Variants in ANKS1B observed in about 807,000 individuals in gnomAD.
ANKS1B encodes ankyrin repeat and sterile alpha motif domain-containing protein 1B.
A neutral mutation model predicts 148.3 loss-of-function variants in ANKS1B; 36 were observed. That is an observed-to-expected ratio of 0.24 (90% CI 0.19 to 0.32). The LOEUF (loss-of-function observed/expected upper bound fraction) is 0.32. Ranked by LOEUF, ANKS1B falls within the 10% of genes least tolerant of loss-of-function variation. The probability of loss-of-function intolerance (pLI) is 1.00; values close to 1 mark genes in which losing one functional copy is unlikely to be tolerated. For missense variants in ANKS1B, 1,157 were observed against 1,542.6 expected (o/e 0.75, Z 4.19); for synonymous variants, 542 against 560.8 (o/e 0.97, Z 0.47).
chr12:99,788,835 C>T lies in ANKS1B; in HGVS notation c.670-6738G>A, dbSNP rs114372920. 6.4e-3 allele frequency among the ~76,000 whole-genome samples: 979 copies of T among 152,162 alleles called. 9 individuals are homozygous for T. The highest frequency in any genetic ancestry group is 0.022 in the African/African-American group (931 of 41,500). ...ATTGGCAGTGACCTAGAAGAACCCT[C>T]GTGGACCAGAAGTGGTGGTGGCCAC... On this transcript the variant is annotated intron_variant, in intron 4 of 26. Coordinates refer to ENST00000683438, the MANE Select transcript of ANKS1B (RefSeq NM_001352186.2).
rs74414480 is a variant in ANKS1B, at chr12:99,949,561, A to G, written c.134+34543T>C. 9.1e-3 allele frequency among the ~76,000 whole-genome samples: 1,382 copies of G among 152,276 alleles called. 24 individuals carry two copies. Among genetic ancestry groups the G allele is most frequent in the African/African-American group, 0.031 (1,284 of 41,542 alleles). ...CTCAGACATGAAAAAGGAGAAAAGG[A>G]GAAGAGGGGACTAATGTGAGGAGTC... On this transcript the variant is annotated intron_variant, in intron 1 of 26. Transcript: ENST00000683438.
intron 1 of ANKS1B, among the ~76,000 whole-genome samples, chr12:99,833,724 T>C (rs569202745): frequency 2.2e-4 from 33 of 152,342 alleles, no homozygotes; most frequent in Non-Finnish European, 2.6e-4. Context: ...ATTTTTTAAA[T>C]TTCTGCATGT....
chr12:99,902,030 G>A (rs1418259693), intron 1 of ANKS1B, among the ~76,000 whole-genome samples: 1 of 152,204 alleles, frequency 6.6e-6, no homozygotes, highest in Non-Finnish European at 1.5e-5. Flanking sequence ...TATCCTCATG[G>A]AGCTCAGATA....
At chr12:99,036,117 A>AT (rs759169274) in intron 17 of ANKS1B, among the ~76,000 whole-genome samples, 2 of 152,058 alleles carry the variant, frequency 1.3e-5, no homozygotes, top group African/African-American at 2.4e-5. Context: ...GTGCACAGTG[A>AT]TTTTGAGGCA....
chr12:99,773,717 C>A (rs1409422703), intron 7 of ANKS1B, among the ~76,000 whole-genome samples: 1 of 152,062 alleles, frequency 6.6e-6, no homozygotes, highest in African/African-American at 2.4e-5. Flanking sequence ...CCAGCAGTTA[C>A]AATCCAGATT....
chr12:99,597,409 G>A (rs2097767384), intron 9 of ANKS1B, among the ~76,000 whole-genome samples: 1 of 151,864 alleles, frequency 6.6e-6, no homozygotes. Context: ...ATTAAACAAA[G>A]CCCAACATTA....
Position 99,460,325 on chromosome 12 carries a change from T to C in ANKS1B, c.1439-16516A>G, listed in dbSNP as rs1909844. 5.7e-3 allele frequency among the ~76,000 whole-genome samples: 873 copies of C among 152,192 alleles called. 6 individuals carry two copies. Among genetic ancestry groups the C allele is most frequent in the African/African-American group, 0.02 (842 of 41,528 alleles). On this transcript the variant is annotated intron_variant, in intron 10 of 26. Transcript: ENST00000683438. ...ACCATAACAATTCTAGGAGATAACATTGGAAAAACCTTTCTAGACATTGGC... is the reference window on the plus strand; with the variant it reads ...ACCATAACAATTCTAGGAGATAACACTGGAAAAACCTTTCTAGACATTGGC...
At chr12:98,910,666 AT>A (rs2099785520) in intron 17 of ANKS1B, among the ~76,000 whole-genome samples, 1 of 152,234 alleles carries the variant, frequency 6.6e-6, no homozygotes, top group African/African-American at 2.4e-5. Context: ...ATTTTAGTAA[AT>A]TTGTAGAAAC....
chr12:99,168,895 C>T lies in ANKS1B; in HGVS notation c.2420-14500G>A, dbSNP rs1030149630. On this transcript the variant is annotated intron_variant, in intron 14 of 26. Coordinates refer to ENST00000683438, the MANE Select transcript of ANKS1B (RefSeq NM_001352186.2). ...GTTATTTCAGGACACTGTCTGAAAA[C>T]TGTCATAACTGCATTAAAATAAACC... Among the ~76,000 whole-genome samples, 11 of 152,278 alleles carry T rather than the reference C, an allele frequency of 7.2e-5. No homozygotes were observed. In the South Asian group the frequency reaches 1.9e-3, roughly 26 times the overall value.
At chr12:99,623,214 A>T (rs1217527333) in intron 9 of ANKS1B, among the ~76,000 whole-genome samples, 1 of 151,408 alleles carries the variant, frequency 6.6e-6, no homozygotes, top group Non-Finnish European at 1.5e-5. Flanking sequence ...CTTCATGATT[A>T]AAAAAAAATC....
intron 10 of ANKS1B, among the ~76,000 whole-genome samples, chr12:99,475,037 G>A (rs1032699269): frequency 5.9e-5 from 9 of 151,372 alleles, no homozygotes; most frequent in African/African-American, 9.7e-5. Flanking sequence ...AGGAGTTTGA[G>A]ATCAGCCTGG....
chr12:99,210,409 T>C (rs536648347), intron 14 of ANKS1B, among the ~76,000 whole-genome samples: 1 of 152,280 alleles, frequency 6.6e-6, no homozygotes, highest in Non-Finnish European at 1.5e-5. Context: ...GATAGACTTG[T>C]AGTAATTTTA....
At chr12:99,087,019 G>A (rs2052105495) in intron 15 of ANKS1B, among the ~76,000 whole-genome samples, 1 of 152,188 alleles carries the variant, frequency 6.6e-6, no homozygotes, top group Admixed American at 6.6e-5. Context: ...AAAGAAGCAG[G>A]TGGATTTGCA....
At chr12:99,435,455 TG>T (rs1475196293) in intron 11 of ANKS1B, among the ~76,000 whole-genome samples, 2 of 152,064 alleles carry the variant, frequency 1.3e-5, no homozygotes, top group Non-Finnish European at 2.9e-5. Context: ...CAGAGCTACT[TG>T]GGGATGACAC....
intron 14 of ANKS1B, among the ~76,000 whole-genome samples, chr12:99,207,782 A>C (rs1411682162): frequency 6.6e-6 from 1 of 152,098 alleles, no homozygotes; most frequent in African/African-American, 2.4e-5. Context: ...GTTTTTGTTA[A>C]GGAAGAAAGA....
chr12:98,901,720 T>C (rs1340262641), intron 17 of ANKS1B, among the ~76,000 whole-genome samples: 3 of 152,190 alleles, frequency 2.0e-5, no homozygotes, highest in Admixed American at 2.0e-4. Flanking sequence ...CAACAGACTC[T>C]GTGGGAATCA....
At chr12:99,249,490 G>T (rs1468884947) in intron 12 of ANKS1B, among the ~76,000 whole-genome samples, 2 of 152,162 alleles carry the variant, frequency 1.3e-5, no homozygotes, top group African/African-American at 4.8e-5. Context: ...ATAAAGCTTA[G>T]TTTTTTGAAT....
chr12:98,807,731 C>T, intron 20 of ANKS1B, 113 bp downstream of exon 20: 1 of 718,470 alleles, frequency 1.4e-6, no homozygotes, highest in African/African-American at 1.8e-5. Context: ...AGTCACCAGA[C>T]ATTACAAATT....
intron 10 of ANKS1B, among the ~76,000 whole-genome samples, chr12:99,474,795 T>G (rs2152917535): frequency 6.6e-6 from 1 of 152,218 alleles, no homozygotes; most frequent in African/African-American, 2.4e-5. Flanking sequence ...CTCAAATGCC[T>G]TCCATTGCCA....
Sources: allele counts gnomAD v4.1 joint callset (sites outside exome capture counted in the v4.1 genomes callset), GRCh38; gene constraint gnomAD v4.1.1; transcripts MANE v1.5; gene names NCBI Gene and HGNC (gene_info 2026-07-23, HGNC 2026-07-21).